ILKAP: variants seen among roughly 807,000 people sequenced by gnomAD.
ILKAP encodes integrin-linked kinase-associated serine/threonine phosphatase 2C.
A neutral mutation model predicts 49.1 loss-of-function variants in ILKAP; 11 were observed. That is an observed-to-expected ratio of 0.22 (90% confidence interval 0.14 to 0.37). The LOEUF is 0.37. Ranked by LOEUF, ILKAP falls within the 10% of genes least tolerant of loss-of-function variation. The pLI is 1.00. For synonymous variants in ILKAP, 186 were observed against 192.8 expected (o/e 0.96, Z 0.29); for missense variants, 363 against 510.8 (o/e 0.71, Z 2.79).
At chr2:238,202,305 C>A (rs763384796) in intron 1 of ILKAP, among the ~76,000 whole-genome samples, 1 of 152,226 alleles carries the variant, frequency 6.6e-6, no homozygotes, top group Non-Finnish European at 1.5e-5. Flanking sequence ...AATTCAAACA[C>A]TGCCTCCTTC....
In ILKAP at chr2:238,170,545, T is replaced by A; in HGVS notation, c.1170A>T (p.Ile390=). ...ADNVTVMVVR[I]GH ...GGCCGCGCGCCACCCCTCAGTGCCCTATCCGCACCACCATCACAGTGACGT... is the reference window on the plus strand; with the variant it reads ...GGCCGCGCGCCACCCCTCAGTGCCCAATCCGCACCACCATCACAGTGACGT... Residue 390 remains isoleucine (I), a synonymous_variant, in exon 12 of 12, where the codon ATA becomes ATT. Transcript: ENST00000254654. The A allele has an allele frequency of 6.2e-7, 1 of 1,602,260 alleles. No individual in the cohort carries two copies. The highest frequency in any genetic ancestry group is 8.5e-7 in the Non-Finnish European group (1 of 1,170,982).
rs146190195 is a variant in ILKAP at position 238,188,909 on chromosome 2, T to G, written c.299-652A>C. Among the ~76,000 whole-genome samples, 392 of 152,352 alleles carry G rather than the reference T, an allele frequency of 2.6e-3. 1 individual carries two copies. Among genetic ancestry groups the G allele is most frequent in the African/African-American group, 9.0e-3 (373 of 41,588 alleles). ...GTCTTCTGGGAAGTGACAAGCTAAGTTGAAGATGACATCTTCCCAGCAAAG... is the reference window on the plus strand; with the variant it reads ...GTCTTCTGGGAAGTGACAAGCTAAGGTGAAGATGACATCTTCCCAGCAAAG... On this transcript the variant is annotated intron_variant, in intron 4 of 11. Transcript: ENST00000254654.
At chr2:238,187,468 T>C (rs1005183329) in intron 5 of ILKAP, among the ~76,000 whole-genome samples, 2 of 75,050 alleles carry the variant, frequency 2.7e-5, no homozygotes, top group African/African-American at 7.1e-5. Flanking sequence ...TGTACTATAA[T>C]GTATGTTTAC....
At chr2:238,189,619 G>A in intron 4 of ILKAP, 1 of 318,636 alleles carries the variant, frequency 3.1e-6, no homozygotes. Context: ...TTTAACTCTT[G>A]AGGAACAAAT....
chr2:238,198,589 T>A (rs1007104958), intron 1 of ILKAP, among the ~76,000 whole-genome samples: 5 of 152,160 alleles, frequency 3.3e-5, no homozygotes, highest in African/African-American at 1.2e-4. Flanking sequence ...GGGGCTGCAA[T>A]CATTGGACAA....
At chr2:238,184,539 A>C (rs1047094952) in intron 6 of ILKAP, among the ~76,000 whole-genome samples, 8 of 151,982 alleles carry the variant, frequency 5.3e-5, no homozygotes, top group Admixed American at 3.3e-4. Flanking sequence ...ATGATTAAGA[A>C]CAATCCCTAT....
At chr2:238,171,368 C>T (rs1488565621) in intron 10 of ILKAP, among the ~76,000 whole-genome samples, 3 of 152,046 alleles carry the variant, frequency 2.0e-5, no homozygotes, top group African/African-American at 7.2e-5. Context: ...ACCACGTTGG[C>T]CAGGCTGGTC....
At chr2:238,173,975 C>T (rs904638393) in intron 9 of ILKAP, 2 of 260,300 alleles carry the variant, frequency 7.7e-6, no homozygotes, top group Admixed American at 5.1e-5. Context: ...ACTCCAGAAT[C>T]GGATTTGACT....
intron 9 of ILKAP, among the ~76,000 whole-genome samples, chr2:238,180,874 C>T (rs967262392): frequency 1.3e-5 from 2 of 152,176 alleles, no homozygotes; most frequent in African/African-American, 4.8e-5. Context: ...GTAAAACTTA[C>T]AAGAAAGGGG....
At chr2:238,171,744 G>A (rs1163276305) in intron 10 of ILKAP, among the ~76,000 whole-genome samples, 3 of 152,154 alleles carry the variant, frequency 2.0e-5, no homozygotes, top group Admixed American at 6.5e-5. Context: ...GCCCAGCCTC[G>A]GTGAAACATC....
chr2:238,171,552 T>C (rs1007382340), intron 10 of ILKAP, among the ~76,000 whole-genome samples: 1 of 152,280 alleles, frequency 6.6e-6, no homozygotes, highest in Non-Finnish European at 1.5e-5. Flanking sequence ...ACATCAAAAC[T>C]GAGACTATCC....
At chr2:238,174,768 CAG>C (rs570940698) in intron 9 of ILKAP, among the ~76,000 whole-genome samples, 27 of 152,288 alleles carry the variant, frequency 1.8e-4, no homozygotes, top group African/African-American at 6.5e-4. Context: ...CAAGAGGAAA[CAG>C]TGCACAGGGG....
At chr2:238,194,681 G>C in intron 2 of ILKAP, 124 bp downstream of exon 2, 1 of 984,642 alleles carries the variant, frequency 1.0e-6, no homozygotes, top group Non-Finnish European at 1.5e-6. Context: ...AAAACTTAAA[G>C]ACAGTCCAAC....
intron 9 of ILKAP, among the ~76,000 whole-genome samples, chr2:238,178,776 C>T (rs554619161): frequency 2.0e-5 from 3 of 151,636 alleles, no homozygotes; most frequent in Non-Finnish European, 2.9e-5. Flanking sequence ...TTATTCCCTA[C>T]ACTGATGTAA....
At chr2:238,173,711 C>G (rs1304900204) in intron 9 of ILKAP, 58 bp from the exon 10 acceptor site, 7 of 1,559,398 alleles carry the variant, frequency 4.5e-6, no homozygotes, top group Non-Finnish European at 6.1e-6. Context: ...GTCCACAGTA[C>G]TTAGAATCTC....
At chr2:238,179,945 A>T (rs1056101536) in intron 9 of ILKAP, among the ~76,000 whole-genome samples, 5 of 152,132 alleles carry the variant, frequency 3.3e-5, no homozygotes, top group African/African-American at 1.2e-4. Context: ...GCACTCTGGG[A>T]GGCCAAGGCA....
chr2:238,179,621 C>T (rs944153605), intron 9 of ILKAP, among the ~76,000 whole-genome samples: 1 of 152,040 alleles, frequency 6.6e-6, no homozygotes, highest in Admixed American at 6.6e-5. Context: ...CAGGAGCATC[C>T]GGCTGTCACC....
At chr2:238,186,331 G>C (rs896892375) in intron 5 of ILKAP, 4 of 152,194 alleles carry the variant, frequency 2.6e-5, no homozygotes, top group Admixed American at 1.3e-4. Context: ...AAAAGGTACA[G>C]TAAACATGGT....
intron 4 of ILKAP, 24 bp from the exon 5 acceptor site, chr2:238,188,281 C>T: frequency 6.2e-7 from 1 of 1,609,922 alleles, no homozygotes; most frequent in Non-Finnish European, 8.5e-7. Context: ...AACAAAAGAG[C>T]CAATACAAAA....
Sources: gnomAD v4.1 joint callset for allele counts (sites outside exome capture counted in the v4.1 genomes callset) on GRCh38, gnomAD v4.1.1 for gene constraint, MANE v1.5 for transcripts, NCBI Gene and HGNC (gene_info 2026-07-23, HGNC 2026-07-21) for gene names.